GRM5: variants seen among roughly 807,000 people sequenced by gnomAD.
GRM5 encodes metabotropic glutamate receptor 5.
GRM5 carries 19 observed loss-of-function variants against 83.1 expected under a neutral mutation model. That is an observed-to-expected ratio of 0.23 (90% CI 0.16 to 0.34). The LOEUF (loss-of-function observed/expected upper bound fraction) is 0.34, where lower values mean the gene tolerates loss of function less well. Among genes scored for constraint, GRM5 ranks in the 10% least tolerant of loss-of-function variants. The probability of loss-of-function intolerance (pLI) is 1.00; values close to 1 mark genes in which losing one functional copy is unlikely to be tolerated. For synonymous variants in GRM5, 675 were observed against 633.6 expected (o/e 1.07, Z -0.98); for missense variants, 1,160 against 1,588.3 (o/e 0.73, Z 4.58).
At chr11:88,720,808 G>C (rs1941516336) in intron 3 of GRM5, among the ~76,000 whole-genome samples, 1 of 132,408 alleles carries the variant, frequency 7.6e-6, no homozygotes, top group African/African-American at 3.0e-5. Context: ...GTGTGTGTGT[G>C]TGTGTGTGTG....
At chr11:88,580,082 A>G (rs1205582220) in intron 7 of GRM5, among the ~76,000 whole-genome samples, 5 of 152,202 alleles carry the variant, frequency 3.3e-5, no homozygotes, top group Non-Finnish European at 7.3e-5. Flanking sequence ...TATTGGTCTT[A>G]CCTAATGAAA....
At chr11:88,848,370 A>G (rs1944333092) in intron 3 of GRM5, among the ~76,000 whole-genome samples, 1 of 152,232 alleles carries the variant, frequency 6.6e-6, no homozygotes, top group South Asian at 2.1e-4. Context: ...AATGGCTGTC[A>G]TAAAATGTAT....
intron 2 of GRM5, among the ~76,000 whole-genome samples, chr11:88,974,021 C>A (rs1168309025): frequency 6.6e-6 from 1 of 152,080 alleles, no homozygotes; most frequent in African/African-American, 2.4e-5. Context: ...CTATTTTATC[C>A]TCTCAAAATG....
chr11:88,913,809 A>G (rs1244386034), intron 2 of GRM5, among the ~76,000 whole-genome samples: 7 of 150,672 alleles, frequency 4.6e-5, no homozygotes, highest in Admixed American at 2.6e-4. Context: ...CTGGTCTCGA[A>G]CTCCTGACTT....
intron 8 of GRM5, among the ~76,000 whole-genome samples, chr11:88,546,458 A>G (rs1942387126): frequency 6.6e-6 from 1 of 152,128 alleles, no homozygotes; most frequent in Non-Finnish European, 1.5e-5. Flanking sequence ...AAAGTTCCCC[A>G]GAATTGTCCT....
Position 88,509,519 on chromosome 11 carries a change from G to GA in GRM5, c.2727-16dup, listed in dbSNP as rs775615559. 1.5e-5 allele frequency: 24 copies of GA among 1,599,986 alleles called. No individual in the cohort carries two copies. Among genetic ancestry groups the GA allele is most frequent in the Non-Finnish European group, 1.6e-5 (19 of 1,172,516 alleles). On this transcript the variant is annotated splice_polypyrimidine_tract_variant and intron_variant, in intron 9 of 9. Transcript: ENST00000305447. ...TTCCATTGGAACTGAGGAGAGAAGG[G>GA]AGAGGAAAGGTGACTCAGCGAGGTG... is the stretch of plus-strand genomic sequence containing the variant.
chr11:88,746,913 C>A (rs1307612647), intron 3 of GRM5, among the ~76,000 whole-genome samples: 1 of 152,064 alleles, frequency 6.6e-6, no homozygotes, highest in Non-Finnish European at 1.5e-5. Flanking sequence ...ATCGTTTAGA[C>A]CTTGTGTTTC....
intron 4 of GRM5, among the ~76,000 whole-genome samples, chr11:88,612,330 G>C (rs1437449713): frequency 6.7e-6 from 1 of 149,284 alleles, no homozygotes; most frequent in East Asian, 2.0e-4. Context: ...GTATTCCATG[G>C]TGTATATGTG....
intron 8 of GRM5, among the ~76,000 whole-genome samples, chr11:88,536,671 C>CATCT (rs1942141989): frequency 6.6e-6 from 1 of 152,260 alleles, no homozygotes; most frequent in East Asian, 1.9e-4. Context: ...TTGGATCAAA[C>CATCT]ATCTACCTCT....
At chr11:88,525,951 G>T (rs557571895) in intron 8 of GRM5, among the ~76,000 whole-genome samples, 4 of 152,320 alleles carry the variant, frequency 2.6e-5, no homozygotes, top group Admixed American at 2.6e-4. Flanking sequence ...TCTAAGTTTA[G>T]AACCCACACT....
intron 3 of GRM5, among the ~76,000 whole-genome samples, chr11:88,805,766 T>G (rs1341924213): frequency 6.6e-6 from 1 of 152,194 alleles, no homozygotes; most frequent in Non-Finnish European, 1.5e-5. Flanking sequence ...ATATACTCAA[T>G]AATGTTTTCT....
chr11:88,547,618 A>G (rs1195844598), intron 8 of GRM5, among the ~76,000 whole-genome samples: 1 of 152,148 alleles, frequency 6.6e-6, no homozygotes, highest in Non-Finnish European at 1.5e-5. Context: ...GAAATTCTAT[A>G]CCTGATTCCA....
intron 3 of GRM5, among the ~76,000 whole-genome samples, chr11:88,780,702 A>C (rs1381049505): frequency 6.6e-6 from 1 of 151,518 alleles, no homozygotes; most frequent in Admixed American, 6.6e-5. Context: ...TTATTAAAAA[A>C]TGTTGTAAAG....
chr11:89,009,739 A>G (rs1940631960), intron 2 of GRM5, among the ~76,000 whole-genome samples: 3 of 151,028 alleles, frequency 2.0e-5, no homozygotes, highest in Admixed American at 2.0e-4. Context: ...TACTAAAAAA[A>G]AAATACAAAA....
At chr11:88,990,957 C>G (rs1263452642) in intron 2 of GRM5, among the ~76,000 whole-genome samples, 1 of 152,036 alleles carries the variant, frequency 6.6e-6, no homozygotes, top group African/African-American at 2.4e-5. Flanking sequence ...TGGCACAAGA[C>G]AGAGATGCCC....
intron 2 of GRM5, among the ~76,000 whole-genome samples, chr11:88,863,787 C>T (rs748108133): frequency 5.3e-5 from 8 of 151,874 alleles, no homozygotes; most frequent in Non-Finnish European, 1.2e-4. Flanking sequence ...ACAAGAGACA[C>T]TTAAAAATTT....
intron 3 of GRM5, among the ~76,000 whole-genome samples, chr11:88,692,438 A>G (rs1457187896): frequency 6.6e-6 from 1 of 152,162 alleles, no homozygotes; most frequent in South Asian, 2.1e-4. Flanking sequence ...AATAGCTTCA[A>G]ATAAAGACGA....
chr11:88,840,294 C>A (rs1372406273), intron 3 of GRM5, among the ~76,000 whole-genome samples: 1 of 152,152 alleles, frequency 6.6e-6, no homozygotes, highest in Non-Finnish European at 1.5e-5. Flanking sequence ...AACCCTCCTG[C>A]CAGATTATCT....
intron 3 of GRM5, among the ~76,000 whole-genome samples, chr11:88,730,258 C>G (rs182204719): frequency 2.8e-4 from 43 of 152,178 alleles, no homozygotes; most frequent in Admixed American, 2.6e-3. Context: ...ATGCGGCCAA[C>G]AAACATATAA....
Sources: allele counts gnomAD v4.1 joint callset (sites outside exome capture counted in the v4.1 genomes callset), GRCh38; gene constraint gnomAD v4.1.1; transcripts MANE v1.5; gene names NCBI Gene and HGNC (gene_info 2026-07-23, HGNC 2026-07-21).